CEND1: variants seen among roughly 807,000 people sequenced by gnomAD.
CEND1 encodes cell cycle exit and neuronal differentiation 1.
A neutral mutation model predicts 4.4 loss-of-function variants in CEND1; 1 was observed. The observed-to-expected ratio is 0.23, with a 90% confidence interval of 0.08 to 1.09. The LOEUF is 1.09. Ranked by LOEUF, CEND1 falls within the 50% of genes least tolerant of loss-of-function variation. The pLI, the probability that CEND1 is intolerant of heterozygous loss-of-function variation, is 0.55. For missense variants in CEND1, 213 were observed against 201.2 expected (o/e 1.06, Z -0.35); for synonymous variants, 109 against 93.0 (o/e 1.17, Z -0.99).
chr11:789,965 T>C (rs1381081284), intron 1 of CEND1, 65 bp downstream of exon 1: 1 of 152,494 alleles, frequency 6.6e-6, no homozygotes, highest in Non-Finnish European at 1.5e-5. Context: ...CGGAGCCGCC[T>C]CCTCGCCCCG....
chr11:788,648 A>G lies in CEND1; in HGVS notation c.-72T>C. 7.2e-7 allele frequency: 1 copy of G among 1,391,538 alleles called. No individual in the cohort carries two copies. Among genetic ancestry groups the G allele is most frequent in the Non-Finnish European group, 9.5e-7 (1 of 1,048,914 alleles). The allele number at this position is 1,391,538 out of a possible 1,614,324, so 86.2% of individuals were successfully genotyped here. A position where few individuals can be genotyped will look rare whatever the true frequency, so the allele number is the denominator to read the frequency against. On this transcript the variant is annotated 5_prime_UTR_variant, in exon 2 of 2. The change abolishes an upstream ATG in the 5' untranslated region. Transcript: ENST00000330106. ...TCAGGACAGTTTGTCGCCCCTGGGC[A>G]TTCTATGGGCCTGGAGGGAGACACA...
rs576446040 is a variant in CEND1 at position 790,037 on chromosome 11, C to G, written c.-90G>C. The G allele has an allele frequency of 1.3e-5, 2 of 152,860 alleles. No homozygotes were observed. Among genetic ancestry groups the G allele is most frequent in the Non-Finnish European group, 2.9e-5 (2 of 67,960 alleles). The allele number at this position is 152,860 out of a possible 1,614,324, so 9.5% of individuals were successfully genotyped here. On this transcript the variant is annotated 5_prime_UTR_variant, in exon 1 of 2. Transcript: ENST00000330106. Reference sequence around the variant, plus strand: ...GGGAGCCCCCCGCCTTACGCGTCCTCCGGCCTCCCCGGGGCTGCGCGCTCC... The same window carrying G: ...GGGAGCCCCCCGCCTTACGCGTCCTGCGGCCTCCCCGGGGCTGCGCGCTCC...
rs1273915873 is a variant in CEND1 at position 788,259 on chromosome 11, A to G, written c.318T>C (p.Ala106=). ...GPGDGAEEDE[A]ASGGPGGRGP... ...CTCGGCCCCCAGGCCCCCCACTGGC[A>G]GCCTCATCTTCCTCCGCCCCGTCCC... Residue 106 remains alanine, a synonymous_variant, in exon 2 of 2, where the codon GCT becomes GCC. Transcript: ENST00000330106. 1 of 1,612,068 alleles carries G rather than the reference A, an allele frequency of 6.2e-7. No homozygotes were observed. Among genetic ancestry groups the G allele is most frequent in the Admixed American group, 1.7e-5 (1 of 59,722 alleles).
chr11:787,853 T>G lies in CEND1; in HGVS notation c.*274A>C. ...TGGGGGGGGCCACACACAGGGTCCATTCCTTTCTTGCCGTTCCCCAGCTGT... is the reference window on the plus strand; with the variant it reads ...TGGGGGGGGCCACACACAGGGTCCAGTCCTTTCTTGCCGTTCCCCAGCTGT... On this transcript the variant is annotated 3_prime_UTR_variant, in exon 2 of 2. Transcript: ENST00000330106. 4 of 274,294 alleles carry G rather than the reference T, an allele frequency of 1.5e-5. No homozygotes were observed. The highest frequency in any genetic ancestry group is 2.7e-5 in the Non-Finnish European group (4 of 147,558). 17.0% of individuals were successfully genotyped at this position (274,294 alleles called of 1,614,324 possible).
Position 787,874 on chromosome 11 carries a change from G to T in CEND1, c.*253C>A. 1 of 330,554 alleles carries T rather than the reference G, an allele frequency of 3.0e-6. No homozygotes were observed. Among genetic ancestry groups the T allele is most frequent in the Non-Finnish European group, 5.5e-6 (1 of 183,214 alleles). The allele number at this position is 330,554 out of a possible 1,614,324, so 20.5% of individuals were successfully genotyped here. On this transcript the variant is annotated 3_prime_UTR_variant, in exon 2 of 2. Coordinates refer to ENST00000330106, the MANE Select transcript of CEND1 (RefSeq NM_016564.4). ...TCCATTCCTTTCTTGCCGTTCCCCA[G>T]CTGTGCCCTCGCCCCACATCCTGTG...
At chr11:788,697 T>TC in intron 1 of CEND1, 39 bp from the exon 2 acceptor site, 1 of 968,050 alleles carries the variant, frequency 1.0e-6, no homozygotes. Flanking sequence ...GCGGGTCCAG[T>TC]CCCCCCTGTG....
At chr11:789,442 G>A (rs1245491625) in intron 1 of CEND1, among the ~76,000 whole-genome samples, 3 of 152,214 alleles carry the variant, frequency 2.0e-5, no homozygotes, top group Non-Finnish European at 4.4e-5. Context: ...CACTTGGCCC[G>A]CGGGTCAGGG....
At position 788,358 on chromosome 11, in the gene CEND1, G is replaced by T; in HGVS notation, c.219C>A (p.Asn73Lys). 1 of 1,602,322 alleles carries T rather than the reference G, an allele frequency of 6.2e-7. No individual in the cohort carries two copies. The highest frequency in any genetic ancestry group is 8.5e-7 in the Non-Finnish European group (1 of 1,171,580). The change falls in exon 2 of 2, where the codon AAC (asparagine) becomes AAA (lysine). Residue 73 changes from asparagine to lysine, a missense_variant. Asn to Lys is a moderately conservative substitution (Grantham distance 94). Transcript: ENST00000330106. Reference protein sequence around the residue: ...TSAKADPALLNNHSNLKPAPT... With the variant: ...TSAKADPALLKNHSNLKPAPT... ...GGGCTGGCTTCAGGTTGCTGTGGTT[G>T]TTGAGAAGGGCAGGGTCGGCCTTGG... is the stretch of plus-strand genomic sequence containing the variant.
chr11:788,301 C>T lies in CEND1; in HGVS notation c.276G>A (p.Pro92=), dbSNP rs200558823. Residue 92 remains proline (P), a synonymous_variant, in exon 2 of 2, where the codon CCG becomes CCA. Coordinates refer to ENST00000330106, the MANE Select transcript of CEND1 (RefSeq NM_016564.4). ...PTVPSSPDAT[P]EPKGPGDGAE... The stretch of plus-strand genomic sequence containing the variant: ...CCCCGTCCCCAGGACCCTTGGGCTC[C>T]GGGGTTGCATCGGGACTGCTGGGGA... The T allele has an allele frequency of 1.1e-4, 173 of 1,612,390 alleles. 2 individuals are homozygous for T. The East Asian group carries it at 3.4e-3, about 32-fold the overall frequency.
intron 1 of CEND1, among the ~76,000 whole-genome samples, 165 bp from the exon 2 acceptor site, chr11:788,823 C>T (rs112920861): frequency 0.072 from 10,957 of 152,286 alleles, 416 homozygotes; most frequent in Non-Finnish European, 0.085. Flanking sequence ...GCCTGGACTC[C>T]ATCTGTCCAT....
In CEND1 at chr11:788,286, A is replaced by G. The variant is rs1565030460; in HGVS notation, c.291T>C (p.Pro97=). 1 of 1,612,908 alleles carries G rather than the reference A, an allele frequency of 6.2e-7. No individual in the cohort carries two copies. Among genetic ancestry groups the G allele is most frequent in the Non-Finnish European group, 8.5e-7 (1 of 1,179,430 alleles). The part of the protein sequence containing the change: ...SPDATPEPKG[P]GDGAEEDEAA... ...CCTCATCTTCCTCCGCCCCGTCCCC[A>G]GGACCCTTGGGCTCCGGGGTTGCAT... Residue 97 remains proline, a synonymous_variant, in exon 2 of 2, where the codon CCT becomes CCC. Coordinates refer to ENST00000330106, the MANE Select transcript of CEND1 (RefSeq NM_016564.4).
Position 788,232 on chromosome 11 carries a change from A to T in CEND1, c.345T>A (p.Gly115=). The T allele has an allele frequency of 6.2e-7, 1 of 1,609,188 alleles. No homozygotes were observed. The highest frequency in any genetic ancestry group is 8.5e-7 in the Non-Finnish European group (1 of 1,178,568). ...EAASGGPGGR[G]PWSCENFNPL... ...GGTTGAAGTTCTCACAGGACCAGGG[A>T]CCTCGGCCCCCAGGCCCCCCACTGG... Residue 115 remains glycine (G), a synonymous_variant, in exon 2 of 2, where the codon GGT becomes GGA. Coordinates refer to ENST00000330106, the MANE Select transcript of CEND1 (RefSeq NM_016564.4).
intron 1 of CEND1, among the ~76,000 whole-genome samples, chr11:789,081 G>A (rs1025628014): frequency 2.6e-5 from 4 of 152,164 alleles, no homozygotes. Context: ...CCCTCCTCAG[G>A]AGAGCATTCC....
At position 788,751 on chromosome 11, in the gene CEND1, C is replaced by G. The variant is rs1864395615; in HGVS notation, c.-82-93G>C. The stretch of plus-strand genomic sequence containing the variant: ...CCCCAGGCAGCCCCTGCCCAGTTCT[C>G]TGGACTCTCTGGAGCCCCAGCTCAG... On this transcript the variant is annotated intron_variant, in intron 1 of 1. Transcript: ENST00000330106. 2 of 487,214 alleles carry G rather than the reference C, an allele frequency of 4.1e-6. 1 individual carries two copies. Among genetic ancestry groups the G allele is most frequent in the South Asian group, 1.4e-4 (2 of 14,102 alleles). 30.2% of individuals were successfully genotyped at this position (487,214 alleles called of 1,614,324 possible). A position where few individuals can be genotyped will look rare whatever the true frequency, so the allele number is the denominator to read the frequency against.
In CEND1 at chr11:788,478, T is replaced by C; in HGVS notation, c.99A>G (p.Lys33=). ...EAKVPPAADG[K]APLTKPSKKE... is the part of the protein sequence containing the mutation. ...TCTTCGAGGGCTTGGTCAAGGGGGCTTTCCCATCGGCTGCCGGGGGTACCT... is the reference window on the plus strand; with the variant it reads ...TCTTCGAGGGCTTGGTCAAGGGGGCCTTCCCATCGGCTGCCGGGGGTACCT... The change falls in exon 2 of 2, where the codon AAA becomes AAG. Residue 33 remains lysine (K), a synonymous_variant. Transcript: ENST00000330106. 1 of 1,551,580 alleles carries C rather than the reference T, an allele frequency of 6.4e-7. No homozygotes were observed. The highest frequency in any genetic ancestry group is 8.7e-7 in the Non-Finnish European group (1 of 1,147,962).
chr11:787,888 C>T lies in CEND1; in HGVS notation c.*239G>A. The stretch of plus-strand genomic sequence containing the variant: ...GCCGTTCCCCAGCTGTGCCCTCGCC[C>T]CACATCCTGTGCTGTGGACCCCGGA... On this transcript the variant is annotated 3_prime_UTR_variant, in exon 2 of 2. Coordinates refer to ENST00000330106, the MANE Select transcript of CEND1 (RefSeq NM_016564.4). 1 of 359,924 alleles carries T rather than the reference C, an allele frequency of 2.8e-6. No homozygotes were observed. 22.3% of individuals were successfully genotyped at this position (359,924 alleles called of 1,614,324 possible). A position where few individuals can be genotyped will look rare whatever the true frequency, so the allele number is the denominator to read the frequency against.
chr11:787,907 C>A lies in CEND1; in HGVS notation c.*220G>T. ...CTCGCCCCACATCCTGTGCTGTGGA[C>A]CCCGGAGCCTGGGCTCTTTCTGCCC... On this transcript the variant is annotated 3_prime_UTR_variant, in exon 2 of 2. Transcript: ENST00000330106. The A allele has an allele frequency of 2.6e-6, 1 of 389,824 alleles. No homozygotes were observed. The highest frequency in any genetic ancestry group is 4.5e-6 in the Non-Finnish European group (1 of 220,128). 24.1% of individuals were successfully genotyped at this position (389,824 alleles called of 1,614,324 possible).
Position 788,395 on chromosome 11 carries a change from T to A in CEND1, c.182A>T (p.Lys61Met). ...AGGGTCGGCCTTGGCCGAGGTCTTC[T>A]TGGCAGGTGCCGTGGTGGGGGCTGC... is the stretch of plus-strand genomic sequence containing the variant. Reference protein sequence around the residue: ...PPAAPTTAPAKKTSAKADPAL... With the variant: ...PPAAPTTAPAMKTSAKADPAL... Residue 61 changes from lysine (K) to methionine (M), a missense_variant, in exon 2 of 2, where the codon AAG becomes ATG. Transcript: ENST00000330106. The A allele has an allele frequency of 6.3e-7, 1 of 1,593,492 alleles. No individual in the cohort carries two copies. The highest frequency in any genetic ancestry group is 1.1e-5 in the South Asian group (1 of 89,828).
In CEND1 at chr11:788,443, G is replaced by T. The variant is rs781638810; in HGVS notation, c.134C>A (p.Pro45Gln). 6.3e-7 allele frequency: 1 copy of T among 1,576,544 alleles called. No individual in the cohort carries two copies. The highest frequency in any genetic ancestry group is 1.4e-5 in the African/African-American group (1 of 73,604). ...TGCTGGCGGCTGCTGCTTCTCGGCC[G>T]GGGCCTCCTTCTTCGAGGGCTTGGT... ...PLTKPSKKEAPAEKQQPPAAP... is the reference protein window; with the variant it reads ...PLTKPSKKEAQAEKQQPPAAP... The change falls in exon 2 of 2, where the codon CCG (proline) becomes CAG (glutamine). Residue 45 changes from proline (P) to glutamine (Q), a missense_variant. Pro to Gln is a moderately conservative substitution (Grantham distance 76). Transcript: ENST00000330106.
Sources: gnomAD v4.1 joint callset for allele counts (sites outside exome capture counted in the v4.1 genomes callset) on GRCh38, gnomAD v4.1.1 for gene constraint, MANE v1.5 for transcripts, NCBI Gene and HGNC (gene_info 2026-07-23, HGNC 2026-07-21) for gene names.